IMMP2L: variants seen among roughly 807,000 people sequenced by gnomAD.
IMMP2L encodes inner mitochondrial membrane peptidase subunit 2, also known as mitochondrial inner membrane protease subunit 2.
A neutral mutation model predicts 19.3 loss-of-function variants in IMMP2L; 18 were observed. The ratio of observed to expected loss-of-function variants is 0.93; its 90% confidence interval spans 0.64 to 1.38. The LOEUF (loss-of-function observed/expected upper bound fraction) is 1.38. Ranked by LOEUF, IMMP2L falls within the 40% of genes most tolerant of loss-of-function variation. IMMP2L has a pLI of 0.00. For synonymous variants in IMMP2L, 76 were observed against 73.0 expected, an observed-to-expected ratio of 1.04 and a Z score of -0.21; for missense variants, 233 against 218.2, an observed-to-expected ratio of 1.07 and a Z score of -0.43.
chr7:111,191,915 C>T (rs1037384779), intron 3 of IMMP2L, among the ~76,000 whole-genome samples: 4 of 151,926 alleles, frequency 2.6e-5, no homozygotes, highest in South Asian at 2.1e-4. Context: ...ATGTAGTAGA[C>T]GCAGGTGAGA....
At chr7:111,363,663 C>T (rs1237161200) in intron 3 of IMMP2L, among the ~76,000 whole-genome samples, 1 of 152,048 alleles carries the variant, frequency 6.6e-6, no homozygotes, top group East Asian at 1.9e-4. Flanking sequence ...CCATCCTCTG[C>T]ACAGCTGCAA....
intron 3 of IMMP2L, among the ~76,000 whole-genome samples, chr7:111,297,470 CTG>C (rs1821756280): frequency 6.6e-6 from 1 of 152,108 alleles, no homozygotes; most frequent in Admixed American, 6.6e-5. Context: ...ACTGGTGAGA[CTG>C]TCACACAATC....
intron 4 of IMMP2L, among the ~76,000 whole-genome samples, chr7:110,914,348 T>C (rs568351127): frequency 1.3e-5 from 2 of 152,326 alleles, no homozygotes; most frequent in South Asian, 2.1e-4. Context: ...TCAGTCAGAA[T>C]TGAGTGAGCT....
chr7:111,216,499 C>T (rs1029178792), intron 3 of IMMP2L, among the ~76,000 whole-genome samples: 1 of 152,068 alleles, frequency 6.6e-6, no homozygotes, highest in African/African-American at 2.4e-5. Flanking sequence ...AGCTTGTTAA[C>T]ACATCCATCA....
rs954243887 is a variant in IMMP2L, at chr7:110,662,844, G to A, written c.*758C>T. ...TTAAACACATAGTATGACTAAATGCGGATAAAGGGGTTTACCCATCATTGT... is the reference window on the plus strand; with the variant it reads ...TTAAACACATAGTATGACTAAATGCAGATAAAGGGGTTTACCCATCATTGT... On this transcript the variant is annotated 3_prime_UTR_variant, in exon 6 of 6. Transcript: ENST00000405709. 6.6e-5 allele frequency among the ~76,000 whole-genome samples: 10 copies of A among 152,056 alleles called. No homozygotes were observed. The highest frequency in any genetic ancestry group is 5.8e-4 in the East Asian group (3 of 5,182).
intron 3 of IMMP2L, among the ~76,000 whole-genome samples, chr7:111,209,751 T>C (rs190227892): frequency 5.9e-4 from 90 of 152,300 alleles, no homozygotes; most frequent in African/African-American, 2.0e-3. Context: ...ATAACTCTTC[T>C]TTGTTACTCT....
At chr7:111,532,173 A>G (rs1847454106) in intron 1 of IMMP2L, among the ~76,000 whole-genome samples, 1 of 152,174 alleles carries the variant, frequency 6.6e-6, no homozygotes, top group South Asian at 2.1e-4. Context: ...AAGTATCACT[A>G]GAAACCATGT....
chr7:111,229,904 G>A (rs1366594756), intron 3 of IMMP2L, among the ~76,000 whole-genome samples: 1 of 152,000 alleles, frequency 6.6e-6, no homozygotes, highest in Non-Finnish European at 1.5e-5. Flanking sequence ...GGAAGATTAT[G>A]TAAGCTTTGG....
chr7:110,686,315 T>A (rs531207529), intron 5 of IMMP2L, among the ~76,000 whole-genome samples: 48 of 152,188 alleles, frequency 3.2e-4, no homozygotes, highest in African/African-American at 1.1e-3. Flanking sequence ...TACCTATTTC[T>A]TGAGGTTTGT....
chr7:111,262,284 T>C (rs1817390880), intron 3 of IMMP2L, among the ~76,000 whole-genome samples: 1 of 152,062 alleles, frequency 6.6e-6, no homozygotes, highest in African/African-American at 2.4e-5. Flanking sequence ...GAAGAGGATA[T>C]ATCAGGGAGT....
At chr7:110,886,372 GT>G (rs900163245) in intron 5 of IMMP2L, among the ~76,000 whole-genome samples, 4 of 151,896 alleles carry the variant, frequency 2.6e-5, no homozygotes, top group Admixed American at 6.6e-5. Flanking sequence ...AAGTGTCTGA[GT>G]TTTTTTTCTA....
intron 3 of IMMP2L, among the ~76,000 whole-genome samples, chr7:111,007,541 C>A (rs892564892): frequency 6.6e-6 from 1 of 152,094 alleles, no homozygotes; most frequent in Admixed American, 6.6e-5. Context: ...CTCTCTCGAA[C>A]ATCTAAATGT....
At chr7:111,454,700 G>A (rs1250579230) in intron 3 of IMMP2L, among the ~76,000 whole-genome samples, 1 of 151,880 alleles carries the variant, frequency 6.6e-6, no homozygotes, top group Admixed American at 6.6e-5. Flanking sequence ...TAATCAATAA[G>A]TGTTTGTAGA....
intron 3 of IMMP2L, among the ~76,000 whole-genome samples, chr7:111,252,400 G>A (rs547848062): frequency 6.6e-6 from 1 of 152,070 alleles, no homozygotes; most frequent in South Asian, 2.1e-4. Flanking sequence ...AACGAGACCT[G>A]GAAAATGGAT....
chr7:111,263,711 G>A (rs1817556330), intron 3 of IMMP2L, among the ~76,000 whole-genome samples: 1 of 152,062 alleles, frequency 6.6e-6, no homozygotes, highest in East Asian at 1.9e-4. Flanking sequence ...CTGATACCTA[G>A]GGTGCTCTAA....
intron 3 of IMMP2L, among the ~76,000 whole-genome samples, chr7:111,243,316 A>C (rs1004522049): frequency 6.6e-6 from 1 of 152,050 alleles, no homozygotes; most frequent in Non-Finnish European, 1.5e-5. Flanking sequence ...TAGAATTAAA[A>C]ACTATGACAT....
At chr7:110,930,533 T>C (rs951111276) in intron 4 of IMMP2L, among the ~76,000 whole-genome samples, 1 of 152,096 alleles carries the variant, frequency 6.6e-6, no homozygotes, top group African/African-American at 2.4e-5. Flanking sequence ...TTATTTCTAC[T>C]TTACTAAGGA....
At chr7:111,159,324 C>G (rs1342145210) in intron 3 of IMMP2L, among the ~76,000 whole-genome samples, 1 of 152,086 alleles carries the variant, frequency 6.6e-6, no homozygotes, top group African/African-American at 2.4e-5. Flanking sequence ...CCATGTTGGT[C>G]AGGCTGATTT....
intron 3 of IMMP2L, among the ~76,000 whole-genome samples, chr7:111,220,642 A>T (rs2129620447): frequency 6.6e-6 from 1 of 151,772 alleles, no homozygotes; most frequent in African/African-American, 2.4e-5. Context: ...AGAGAGAGAG[A>T]AGACAGACAG....
Sources: gnomAD v4.1 joint callset for allele counts (sites outside exome capture counted in the v4.1 genomes callset) on GRCh38, gnomAD v4.1.1 for gene constraint, MANE v1.5 for transcripts, NCBI Gene and HGNC (gene_info 2026-07-23, HGNC 2026-07-21) for gene names.